Variants in ZFPM2 observed in about 807,000 individuals in gnomAD.
ZFPM2 encodes zinc finger protein, FOG family member 2.
A neutral mutation model predicts 98.6 loss-of-function variants in ZFPM2; 20 were observed. The observed-to-expected ratio is 0.20, with a 90% CI of 0.14 to 0.29. ZFPM2 has a LOEUF of 0.29. Among genes scored for constraint, ZFPM2 ranks in the 10% least tolerant of loss-of-function variants. The pLI is 1.00. For synonymous variants in ZFPM2, 518 were observed against 502.7 expected (o/e 1.03, Z -0.41); for missense variants, 1,310 against 1,388.6 (o/e 0.94, Z 0.90).
intron 6 of ZFPM2, chr8:105,798,021 G>GTGTT (rs1742282017): frequency 1.3e-5 from 2 of 152,044 alleles, no homozygotes; most frequent in African/African-American, 2.4e-5. Context: ...CGTATTTACT[G>GTGTT]TGTTAAAAAA....
At chr8:105,508,880 A>G (rs1265383791) in intron 3 of ZFPM2, among the ~76,000 whole-genome samples, 2 of 151,494 alleles carry the variant, frequency 1.3e-5, no homozygotes, top group Non-Finnish European at 2.9e-5. Context: ...TTAATGTGGA[A>G]GAAATCTTGC....
intron 3 of ZFPM2, among the ~76,000 whole-genome samples, chr8:105,547,698 A>G (rs1563712410): frequency 6.6e-6 from 1 of 152,136 alleles, no homozygotes; most frequent in Non-Finnish European, 1.5e-5. Context: ...TTACATTTAT[A>G]CCTATCTTCT....
intron 5 of ZFPM2, among the ~76,000 whole-genome samples, chr8:105,719,736 T>C (rs1811611528): frequency 6.6e-6 from 1 of 151,922 alleles, no homozygotes; most frequent in African/African-American, 2.4e-5. Context: ...ATGTTGCTAT[T>C]AGTATTAGTC....
intron 3 of ZFPM2, among the ~76,000 whole-genome samples, chr8:105,445,517 A>C (rs1326156338): frequency 6.6e-6 from 1 of 152,152 alleles, no homozygotes; most frequent in East Asian, 1.9e-4. Flanking sequence ...ATTAAAAAAA[A>C]AAGTAGGGAA....
chr8:105,393,328 C>CTG (rs879340957), intron 1 of ZFPM2, among the ~76,000 whole-genome samples: 41,704 of 108,732 alleles, frequency 0.38, 7,102 homozygotes, highest in Admixed American at 0.5. Context: ...TTCCCTCTCT[C>CTG]TCTCTTTGCC....
chr8:105,422,446 G>T (rs200957834), intron 2 of ZFPM2, among the ~76,000 whole-genome samples: 1 of 119,284 alleles, frequency 8.4e-6, no homozygotes, highest in South Asian at 2.9e-4. Context: ...GTCTCAAAAA[G>T]AAAATAATAA....
chr8:105,732,547 T>C (rs1397591269), intron 5 of ZFPM2, among the ~76,000 whole-genome samples: 2 of 151,848 alleles, frequency 1.3e-5, no homozygotes, highest in African/African-American at 4.8e-5. Context: ...ATCAGAAAAG[T>C]CTGGATCCTT....
intron 3 of ZFPM2, among the ~76,000 whole-genome samples, chr8:105,535,037 A>G (rs1210797594): frequency 1.3e-5 from 2 of 152,158 alleles, no homozygotes; most frequent in Non-Finnish European, 2.9e-5. Flanking sequence ...GGCTCTTTTA[A>G]TTTCCCCTGC....
At chr8:105,335,924 T>C (rs1265501558) in intron 1 of ZFPM2, among the ~76,000 whole-genome samples, 1 of 151,704 alleles carries the variant, frequency 6.6e-6, no homozygotes, top group Non-Finnish European at 1.5e-5. Flanking sequence ...AGCCCAGAGG[T>C]CTGACTGTCC....
chr8:105,787,797 G>GATAT (rs1813463682), intron 5 of ZFPM2, among the ~76,000 whole-genome samples: 1 of 152,060 alleles, frequency 6.6e-6, no homozygotes, highest in South Asian at 2.1e-4. Context: ...TAACTGTATA[G>GATAT]GATACATATC....
chr8:105,456,386 T>C (rs1812593852), intron 3 of ZFPM2, among the ~76,000 whole-genome samples: 1 of 151,990 alleles, frequency 6.6e-6, no homozygotes, highest in Admixed American at 6.6e-5. Context: ...ACAACCATTG[T>C]TGATAAATAA....
intron 5 of ZFPM2, among the ~76,000 whole-genome samples, chr8:105,648,495 T>G (rs1461057786): frequency 6.6e-6 from 1 of 151,964 alleles, no homozygotes; most frequent in Non-Finnish European, 1.5e-5. Context: ...TTCTTCTAGG[T>G]TTTTTATGGT....
intron 4 of ZFPM2, among the ~76,000 whole-genome samples, chr8:105,628,428 G>C (rs1328411163): frequency 6.6e-6 from 1 of 152,080 alleles, no homozygotes; most frequent in Non-Finnish European, 1.5e-5. Flanking sequence ...GGCAGAAAAG[G>C]GTGGGTCGCT....
chr8:105,571,114 A>G (rs1381573526), intron 4 of ZFPM2, among the ~76,000 whole-genome samples: 1 of 152,212 alleles, frequency 6.6e-6, no homozygotes, highest in Non-Finnish European at 1.5e-5. Flanking sequence ...ACCTTTTCCC[A>G]CAGAGGATCG....
At chr8:105,326,516 C>A (rs943826191) in intron 1 of ZFPM2, among the ~76,000 whole-genome samples, 10 of 151,634 alleles carry the variant, frequency 6.6e-5, no homozygotes, top group African/African-American at 2.4e-4. Context: ...TGGCTATAAC[C>A]AATGCCATAT....
chr8:105,337,627 A>G (rs1291779601), intron 1 of ZFPM2, among the ~76,000 whole-genome samples: 5 of 151,756 alleles, frequency 3.3e-5, no homozygotes, highest in African/African-American at 1.2e-4. Context: ...GTCACATTTT[A>G]TTATTATGTG....
intron 2 of ZFPM2, among the ~76,000 whole-genome samples, chr8:105,443,328 A>C (rs1411774516): frequency 6.8e-6 from 1 of 146,472 alleles, no homozygotes; most frequent in South Asian, 2.1e-4. Flanking sequence ...ACAAAAAACA[A>C]AAAAAAAAAA....
At chr8:105,725,979 C>T (rs768529153) in intron 5 of ZFPM2, among the ~76,000 whole-genome samples, 1 of 151,570 alleles carries the variant, frequency 6.6e-6, no homozygotes, top group Non-Finnish European at 1.5e-5. Context: ...TGTAGAGTAT[C>T]CCAAAATACA....
chr8:105,346,178 G>A lies in ZFPM2; in HGVS notation c.40+27197G>A, dbSNP rs113655914. Among the ~76,000 whole-genome samples, 1,375 of 152,138 alleles carry A rather than the reference G, an allele frequency of 9.0e-3. 18 individuals are homozygous for A. Among genetic ancestry groups the A allele is most frequent in the African/African-American group, 0.032 (1,310 of 41,492 alleles). ...TGGCAGGTGGATCAGCTGAGTTCAGGAGTTCGAGAGCAGCCTAACCAACAT... is the reference window on the plus strand; with the variant it reads ...TGGCAGGTGGATCAGCTGAGTTCAGAAGTTCGAGAGCAGCCTAACCAACAT... On this transcript the variant is annotated intron_variant, in intron 1 of 7. Coordinates refer to ENST00000407775, the MANE Select transcript of ZFPM2 (RefSeq NM_012082.4).
Sources: gnomAD v4.1 joint callset for allele counts (sites outside exome capture counted in the v4.1 genomes callset) on GRCh38, gnomAD v4.1.1 for gene constraint, MANE v1.5 for transcripts, NCBI Gene and HGNC (gene_info 2026-07-23, HGNC 2026-07-21) for gene names.